Variants in SOCS7 observed in about 807,000 individuals in gnomAD.
The protein encoded by SOCS7 is NAP-4.
SOCS7 carries 18 observed loss-of-function variants against 58.9 expected under a neutral mutation model. The ratio of observed to expected loss-of-function variants is 0.31; its 90% CI spans 0.21 to 0.45. SOCS7 has a LOEUF of 0.45. Among genes scored for constraint, SOCS7 ranks in the 20% least tolerant of loss-of-function variants. The pLI, the probability that SOCS7 is intolerant of heterozygous loss-of-function variation, is 1.00. For missense variants in SOCS7, 667 were observed against 837.3 expected (o/e 0.80, Z 2.51); for synonymous variants, 388 against 364.3 (o/e 1.06, Z -0.74).
At chr17:38,398,444 C>T (rs561301454) in intron 9 of SOCS7, among the ~76,000 whole-genome samples, 5 of 152,032 alleles carry the variant, frequency 3.3e-5, no homozygotes, top group African/African-American at 4.8e-5. Context: ...GGTTTCACCA[C>T]GTTTGTCAGT....
chr17:38,352,754 C>A lies in SOCS7; in HGVS notation c.702C>A (p.Val234=). Residue 234 remains valine (V), a synonymous_variant, in exon 1 of 10, where the codon GTC becomes GTA. Coordinates refer to ENST00000612932, the MANE Select transcript of SOCS7 (RefSeq NM_014598.4). The surrounding 1 kb of genome is among the most constrained non-coding windows in gnomAD (Gnocchi z 5.5). The part of the protein sequence containing the change: ...PPVPFPLQDL[V]PLGRLSRGEQ... The stretch of plus-strand genomic sequence containing the variant: ...TGCCCTTCCCGCTGCAGGACTTGGT[C>A]CCTCTGGGGCGCCTGAGTAGAGGGG... 1 of 1,550,028 alleles carries A rather than the reference C, an allele frequency of 6.5e-7. No homozygotes were observed. The highest frequency in any genetic ancestry group is 8.7e-7 in the Non-Finnish European group (1 of 1,147,038).
rs2037561554 is a variant in SOCS7 at position 38,352,160 on chromosome 17, T to C, written c.108T>C (p.Pro36=). 8.3e-7 allele frequency: 1 copy of C among 1,201,056 alleles called. No individual in the cohort carries two copies. Among genetic ancestry groups the C allele is most frequent in the Middle Eastern group, 3.3e-4 (1 of 3,016 alleles). The allele number at this position is 1,201,056 out of a possible 1,614,324, so 74.4% of individuals were successfully genotyped here. A position where few individuals can be genotyped will look rare whatever the true frequency, so the allele number is the denominator to read the frequency against. ...GYGEAAPEPG[P]PPPPPGHGPP... ...GAGAGGCGGCCCCCGAGCCAGGCCC[T>C]CCGCCACCGCCCCCGGGCCATGGCC... The change falls in exon 1 of 10, where the codon CCT becomes CCC. Residue 36 remains proline (P), a synonymous_variant. Transcript: ENST00000612932. This position sits in a 1 kb window ranked among gnomAD's most constrained non-coding sequence, Gnocchi z 5.5.
intron 7 of SOCS7, among the ~76,000 whole-genome samples, chr17:38,380,734 C>T (rs1170615162): frequency 6.6e-6 from 1 of 152,094 alleles, no homozygotes; most frequent in African/African-American, 2.4e-5. Context: ...TGGCGGGCAC[C>T]TGTAGTCCCA....
chr17:38,380,641 AAATAAT>A (rs948027167), intron 7 of SOCS7, among the ~76,000 whole-genome samples: 1 of 151,354 alleles, frequency 6.6e-6, no homozygotes, highest in African/African-American at 2.4e-5. Flanking sequence ...AAAAAAAAAA[AAATAAT>A]AATAATAATG....
At chr17:38,366,479 G>T in intron 5 of SOCS7, 62 bp downstream of exon 5, 1 of 1,578,080 alleles carries the variant, frequency 6.3e-7, no homozygotes, top group Non-Finnish European at 8.7e-7. Flanking sequence ...TCTGTATTCG[G>T]ACACACCTTT....
chr17:38,387,304 G>A lies in SOCS7; in HGVS notation c.1682-8005G>A, dbSNP rs1472428234. Among the ~76,000 whole-genome samples the A allele has an allele frequency of 7.1e-3, 1,028 of 144,152 alleles. 16 individuals carry two copies. Among genetic ancestry groups the A allele is most frequent in the African/African-American group, 0.025 (949 of 38,646 alleles). 94.6% of individuals were successfully genotyped at this position (144,152 alleles called of 152,430 possible). On this transcript the variant is annotated intron_variant, in intron 7 of 9. Coordinates refer to ENST00000612932, the MANE Select transcript of SOCS7 (RefSeq NM_014598.4). ...TACTAAAAATACAAAAAAAATAGCCGGGCGTGGTGGTGGGCACCTGTAATC... is the reference window on the plus strand; with the variant it reads ...TACTAAAAATACAAAAAAAATAGCCAGGCGTGGTGGTGGGCACCTGTAATC...
chr17:38,363,999 G>C (rs2037754046), intron 2 of SOCS7, among the ~76,000 whole-genome samples: 1 of 152,132 alleles, frequency 6.6e-6, no homozygotes, highest in African/African-American at 2.4e-5. Flanking sequence ...TGGGTGGCAA[G>C]GAGTATTGTA....
At chr17:38,366,058 T>G (rs1280811718) in intron 4 of SOCS7, 1 of 1,292,854 alleles carries the variant, frequency 7.7e-7, no homozygotes, top group East Asian at 3.1e-5. Flanking sequence ...CCCCTCCCCC[T>G]TTCTTGGGGT....
intron 7 of SOCS7, among the ~76,000 whole-genome samples, chr17:38,389,363 C>CT (rs2038120613): frequency 6.6e-6 from 1 of 152,046 alleles, no homozygotes; most frequent in East Asian, 1.9e-4. Context: ...CAAGACCTGC[C>CT]TGGGCAATAC....
chr17:38,395,898 A>AGGT lies in SOCS7; in HGVS notation c.1869_1871dup (p.Val624dup). ...TTCTACTACTATGATCCTCAGGAAG[A>AGGT]GGTATACCTGTCTCTAAAGGAAGCG... On this transcript the variant is annotated inframe_insertion, in exon 9 of 10. Coordinates refer to ENST00000612932, the MANE Select transcript of SOCS7 (RefSeq NM_014598.4). 6.2e-7 allele frequency: 1 copy of AGGT among 1,611,952 alleles called. No homozygotes were observed. The highest frequency in any genetic ancestry group is 8.5e-7 in the Non-Finnish European group (1 of 1,179,462).
At chr17:38,357,639 C>T (rs916805430) in intron 1 of SOCS7, among the ~76,000 whole-genome samples, 6 of 152,184 alleles carry the variant, frequency 3.9e-5, no homozygotes, top group African/African-American at 9.7e-5. Context: ...GGTTTTTGTG[C>T]CTGTAGCACA....
chr17:38,396,334 G>C (rs1006903104), intron 9 of SOCS7, among the ~76,000 whole-genome samples: 15 of 152,212 alleles, frequency 9.9e-5, no homozygotes, highest in Non-Finnish European at 1.8e-4. Context: ...GAAGAGTGCA[G>C]CCTCCTCTCA....
intron 5 of SOCS7, among the ~76,000 whole-genome samples, chr17:38,367,504 G>C (rs772456398): frequency 6.6e-6 from 1 of 151,948 alleles, no homozygotes; most frequent in Non-Finnish European, 1.5e-5. Flanking sequence ...CTCCTGAATA[G>C]CTGGGATTAC....
intron 7 of SOCS7, among the ~76,000 whole-genome samples, chr17:38,392,942 A>C (rs779770074): frequency 7.4e-4 from 112 of 152,156 alleles, no homozygotes; most frequent in Non-Finnish European, 1.3e-3. Context: ...GTTTCTTTAT[A>C]TGTGAAATGG....
chr17:38,395,980 C>T lies in SOCS7; in HGVS notation c.*12C>T, dbSNP rs763089506. On this transcript the variant is annotated 3_prime_UTR_variant, in exon 9 of 10. Coordinates refer to ENST00000612932, the MANE Select transcript of SOCS7 (RefSeq NM_014598.4). ...AACCCTCCACGTAGCGAGGGGCTCC[C>T]TGCTGGTCACCACCAAGGGTATGAG... is the stretch of plus-strand genomic sequence containing the variant. 6 of 1,593,426 alleles carry T rather than the reference C, an allele frequency of 3.8e-6. No individual in the cohort carries two copies. The highest frequency in any genetic ancestry group is 3.4e-6 in the Non-Finnish European group (4 of 1,175,258).
At chr17:38,399,104 A>AG (rs1184093910) in intron 9 of SOCS7, among the ~76,000 whole-genome samples, 1 of 145,546 alleles carries the variant, frequency 6.9e-6, no homozygotes. Flanking sequence ...AAAAAAAAAA[A>AG]AGAAAGAAAG....
Position 38,352,459 on chromosome 17 carries a change from G to A in SOCS7, c.407G>A (p.Gly136Glu), listed in dbSNP as rs779673761. 82 of 1,472,822 alleles carry A rather than the reference G, an allele frequency of 5.6e-5. No homozygotes were observed. The South Asian group carries it at 1.1e-3, about 19-fold the overall frequency. The allele number at this position is 1,472,822 out of a possible 1,614,324, so 91.2% of individuals were successfully genotyped here. The change falls in exon 1 of 10, where the codon GGG (glycine) becomes GAG (glutamate). Residue 136 changes from glycine to glutamate, a missense_variant. Physicochemically the swap from Gly to Glu is moderately conservative, Grantham distance 98 (BLOSUM62 -2). Around this residue, in one of 9 missense-constraint regions of SOCS7, gnomAD observed 154 missense variants for 156.3 expected, o/e 0.98. Coordinates refer to ENST00000612932, the MANE Select transcript of SOCS7 (RefSeq NM_014598.4). This position sits in a 1 kb window ranked among gnomAD's most constrained non-coding sequence, Gnocchi z 5.5. Reference protein sequence around the residue: ...ALGLGQPAGPGVKTVGGGCCP... With the variant: ...ALGLGQPAGPEVKTVGGGCCP... ...GGGCTCGGGCAGCCGGCGGGGCCGG[G>A]GGTCAAGACAGTCGGTGGGGGTTGC...
At chr17:38,363,752 C>T (rs1274389442) in intron 2 of SOCS7, among the ~76,000 whole-genome samples, 1 of 152,014 alleles carries the variant, frequency 6.6e-6, no homozygotes, top group South Asian at 2.1e-4. Context: ...ATATTGGTCA[C>T]CTCATTTTCT....
intron 4 of SOCS7, 92 bp downstream of exon 4, chr17:38,365,501 A>C: frequency 1.3e-6 from 1 of 774,000 alleles, no homozygotes; most frequent in Non-Finnish European, 2.0e-6. Flanking sequence ...TATTTATGGA[A>C]ATAACAGCTT....
Sources: gnomAD v4.1 joint callset for allele counts (sites outside exome capture counted in the v4.1 genomes callset) on GRCh38, gnomAD v4.1.1 for gene constraint, gnomAD v4.1.1 regional missense constraint, Gnocchi (gnomAD v3.1) non-coding constraint, MANE v1.5 for transcripts, NCBI Gene and HGNC (gene_info 2026-07-23, HGNC 2026-07-21) for gene names.